Variants in PDSS2 observed in about 807,000 individuals in gnomAD.
The protein encoded by PDSS2 is decaprenyl diphosphate synthase subunit 2, also known as all trans-polyprenyl-diphosphate synthase PDSS2.
Under a neutral mutation model 44.5 loss-of-function variants are expected in PDSS2, and 31 were observed. That is an observed-to-expected ratio of 0.70 (90% CI 0.52 to 0.94). The LOEUF (loss-of-function observed/expected upper bound fraction) is 0.94. Ranked by LOEUF, PDSS2 falls within the 40% of genes least tolerant of loss-of-function variation. The pLI is 0.00. For missense variants in PDSS2, 452 were observed against 482.2 expected (o/e 0.94, Z 0.59); for synonymous variants, 157 against 180.3 (o/e 0.87, Z 1.03).
At chr6:107,248,366 T>G (rs1307798200) in intron 3 of PDSS2, among the ~76,000 whole-genome samples, 1 of 151,012 alleles carries the variant, frequency 6.6e-6, no homozygotes, top group Non-Finnish European at 1.5e-5. Flanking sequence ...TATAGATAAG[T>G]GCAACCTTGA....
chr6:107,402,074 T>C (rs534183251), intron 1 of PDSS2, among the ~76,000 whole-genome samples: 6 of 151,728 alleles, frequency 4.0e-5, no homozygotes, highest in South Asian at 4.2e-4. Context: ...AGGTCAGGAG[T>C]TCGAGACCAG....
intron 1 of PDSS2, among the ~76,000 whole-genome samples, chr6:107,454,486 T>C (rs895623774): frequency 1.3e-5 from 2 of 152,230 alleles, no homozygotes; most frequent in Non-Finnish European, 2.9e-5. Flanking sequence ...CTATTCCTAG[T>C]AACAGAATCA....
At chr6:107,250,527 C>T (rs1210993854) in intron 3 of PDSS2, among the ~76,000 whole-genome samples, 3 of 151,878 alleles carry the variant, frequency 2.0e-5, no homozygotes, top group East Asian at 3.9e-4. Flanking sequence ...TTAAATAAAA[C>T]AATAAACCTA....
chr6:107,228,014 C>T (rs1429085234), intron 4 of PDSS2, among the ~76,000 whole-genome samples: 2 of 152,164 alleles, frequency 1.3e-5, no homozygotes, highest in Non-Finnish European at 2.9e-5. Flanking sequence ...TACTCTTGTC[C>T]TTTGATCAGA....
chr6:107,260,991 A>C (rs1407629548), intron 3 of PDSS2, among the ~76,000 whole-genome samples: 2 of 151,918 alleles, frequency 1.3e-5, no homozygotes, highest in Non-Finnish European at 2.9e-5. Context: ...CATTTGCTAG[A>C]TCTCCAAAGC....
chr6:107,409,332 T>C (rs1780418754), intron 1 of PDSS2, among the ~76,000 whole-genome samples: 1 of 152,188 alleles, frequency 6.6e-6, no homozygotes, highest in African/African-American at 2.4e-5. Context: ...TAATTCTATA[T>C]ATTAATTTCC....
intron 7 of PDSS2, among the ~76,000 whole-genome samples, chr6:107,156,425 A>G (rs1230766845): frequency 6.6e-6 from 1 of 151,394 alleles, no homozygotes; most frequent in Non-Finnish European, 1.5e-5. Context: ...CCATCTCCTG[A>G]CCTTGTGATC....
rs147110153 is a variant in PDSS2 at position 107,232,969 on chromosome 6, C to A, written c.702+12579G>T. The stretch of plus-strand genomic sequence containing the variant: ...CCCAAGGAGCCACAGGCATGTACCA[C>A]CATATCTAGCTAATTAAAAATTTTC... On this transcript the variant is annotated intron_variant, in intron 4 of 7. Transcript: ENST00000369037. Among the ~76,000 whole-genome samples the A allele has an allele frequency of 4.1e-3, 627 of 152,124 alleles. 5 individuals carry two copies. The highest frequency in any genetic ancestry group is 0.014 in the African/African-American group (597 of 41,524).
At chr6:107,426,460 T>A (rs972292868) in intron 1 of PDSS2, among the ~76,000 whole-genome samples, 2 of 152,258 alleles carry the variant, frequency 1.3e-5, no homozygotes, top group Non-Finnish European at 2.9e-5. Flanking sequence ...AGAAGGGAAA[T>A]GTAGGGTTGG....
At chr6:107,215,134 T>C (rs1426229139) in intron 4 of PDSS2, among the ~76,000 whole-genome samples, 1 of 152,150 alleles carries the variant, frequency 6.6e-6, no homozygotes, top group Non-Finnish European at 1.5e-5. Flanking sequence ...ACAATATATA[T>C]TAATAAACCT....
In PDSS2 at chr6:107,341,990, CA is replaced by C. The variant is rs1331254261; in HGVS notation, c.297-7659del. 9.9e-5 allele frequency among the ~76,000 whole-genome samples: 15 copies of C among 152,180 alleles called. No individual in the cohort carries two copies. In the East Asian group the frequency reaches 2.9e-3, roughly 29 times the overall value. On this transcript the variant is annotated intron_variant, in intron 1 of 7. Transcript: ENST00000369037. ...AAAAAAGTTCAATAATTACTACTCA[CA>C]ATAGTCAATTAGTAACAGAGGTGCC...
intron 6 of PDSS2, among the ~76,000 whole-genome samples, chr6:107,195,508 T>C (rs570694129): frequency 4.5e-4 from 67 of 148,754 alleles, no homozygotes; most frequent in African/African-American, 1.6e-3. Flanking sequence ...AAAATGGTCC[T>C]GACCCTTCTT....
At chr6:107,389,031 G>A (rs1489222579) in intron 1 of PDSS2, among the ~76,000 whole-genome samples, 2 of 152,172 alleles carry the variant, frequency 1.3e-5, no homozygotes, top group African/African-American at 4.8e-5. Context: ...AATGGCTAAA[G>A]TAAGGAATAG....
intron 3 of PDSS2, among the ~76,000 whole-genome samples, chr6:107,260,623 A>G (rs901432455): frequency 1.3e-5 from 2 of 151,320 alleles, no homozygotes; most frequent in African/African-American, 4.9e-5. Context: ...CCTACCTTCC[A>G]GAAGTAAAAT....
At chr6:107,237,853 A>C (rs1338088530) in intron 4 of PDSS2, among the ~76,000 whole-genome samples, 2 of 149,008 alleles carry the variant, frequency 1.3e-5, no homozygotes, top group Non-Finnish European at 1.5e-5. Flanking sequence ...CCAAGATCGC[A>C]CCACTGTACT....
At chr6:107,376,970 A>G (rs1486568603) in intron 1 of PDSS2, among the ~76,000 whole-genome samples, 2 of 151,792 alleles carry the variant, frequency 1.3e-5, no homozygotes, top group African/African-American at 4.8e-5. Flanking sequence ...TTCAGGACAT[A>G]GGCATGGGCA....
In PDSS2 at chr6:107,193,829, T is replaced by C; in HGVS notation, c.1034A>G (p.Tyr345Cys). The C allele has an allele frequency of 6.4e-7, 1 of 1,565,878 alleles. No homozygotes were observed. Residue 345 changes from tyrosine (Y) to cysteine (C), a missense_variant, in exon 7 of 8, where the codon TAT becomes TGT. Tyr to Cys is a radical substitution (Grantham distance 194). Coordinates refer to ENST00000369037, the MANE Select transcript of PDSS2 (RefSeq NM_020381.4). ...GEAQEKGRLD[Y>C]AKLRERIKAG... is the part of the protein sequence containing the mutation. ...TGTATAAAATCTGCCTACCTTAGCATAGTCCAATCTTCCTTTTTCTTGAGC... is the reference window on the plus strand; with the variant it reads ...TGTATAAAATCTGCCTACCTTAGCACAGTCCAATCTTCCTTTTTCTTGAGC...
At chr6:107,249,548 G>C (rs1774741945) in intron 3 of PDSS2, among the ~76,000 whole-genome samples, 1 of 152,070 alleles carries the variant, frequency 6.6e-6, no homozygotes, top group African/African-American at 2.4e-5. Flanking sequence ...CTGCATTTCT[G>C]GTGACTGCGA....
chr6:107,382,520 T>C (rs1260429578), intron 1 of PDSS2, among the ~76,000 whole-genome samples: 1 of 152,080 alleles, frequency 6.6e-6, no homozygotes, highest in South Asian at 2.1e-4. Flanking sequence ...ATCAACAGAA[T>C]AGATTTGAGA....
Sources: gnomAD v4.1 joint callset for allele counts (sites outside exome capture counted in the v4.1 genomes callset) on GRCh38, gnomAD v4.1.1 for gene constraint, MANE v1.5 for transcripts, NCBI Gene and HGNC (gene_info 2026-07-23, HGNC 2026-07-21) for gene names.